Variants in MBP observed in about 807,000 individuals in gnomAD.
MBP encodes myelin basic protein, also known as Golli-MBP.
Under a neutral mutation model 35.8 loss-of-function variants are expected in MBP, and 16 were observed. That is an observed-to-expected ratio of 0.45 (90% CI 0.30 to 0.68). MBP has a LOEUF of 0.68. Among genes scored for constraint, MBP ranks in the 30% least tolerant of loss-of-function variants. MBP has a pLI of 0.08. For synonymous variants in MBP, 143 were observed against 159.6 expected (o/e 0.90, Z 0.78); for missense variants, 380 against 404.7 (o/e 0.94, Z 0.52).
intron 4 of MBP, chr18:77,004,283 C>G (rs866496829): frequency 1.3e-5 from 2 of 152,002 alleles, no homozygotes; most frequent in Admixed American, 1.3e-4. Flanking sequence ...TGTGTCCCCC[C>G]CCACTCCCCG....
At chr18:77,027,194 A>T (rs1445175147) in intron 3 of MBP, among the ~76,000 whole-genome samples, 1 of 151,090 alleles carries the variant, frequency 6.6e-6, no homozygotes, top group Non-Finnish European at 1.5e-5. Flanking sequence ...CTAAGACATT[A>T]AAAAAAAAGC....
intron 2 of MBP, among the ~76,000 whole-genome samples, chr18:77,071,974 G>A (rs1974472361): frequency 6.6e-6 from 1 of 152,216 alleles, no homozygotes; most frequent in African/African-American, 2.4e-5. Flanking sequence ...AAGAGAAGTT[G>A]CAACTGTCTT....
rs907094153 is a variant in MBP, at chr18:77,009,940, C to T, written c.576+6892G>A. 4 of 1,568,426 alleles carry T rather than the reference C, an allele frequency of 2.6e-6. No individual in the cohort carries two copies. In the African/African-American group the frequency reaches 4.0e-5, roughly 16 times the overall value. Reference sequence around the variant, plus strand: ...TAGCCAGGGTACCTGCCGGGGGACACAGAGTGGGCTGCGTGAGTCCGGGTG... The same window carrying T: ...TAGCCAGGGTACCTGCCGGGGGACATAGAGTGGGCTGCGTGAGTCCGGGTG... On this transcript the variant is annotated intron_variant, in intron 4 of 8. Coordinates refer to ENST00000355994, the MANE Select transcript of MBP (RefSeq NM_001025101.2).
chr18:77,059,473 CACT>C (rs1973876714), intron 3 of MBP, among the ~76,000 whole-genome samples: 1 of 116,310 alleles, frequency 8.6e-6, no homozygotes, highest in South Asian at 2.4e-4. Flanking sequence ...ATAAAGTAGT[CACT>C]AATTATTTAT....
intron 4 of MBP, among the ~76,000 whole-genome samples, chr18:76,996,536 C>T (rs1046165346): frequency 2.0e-5 from 3 of 152,144 alleles, no homozygotes; most frequent in South Asian, 2.1e-4. Context: ...AAATACTGTT[C>T]GGCAATAAAA....
At chr18:77,047,986 A>G (rs1383676375) in intron 3 of MBP, among the ~76,000 whole-genome samples, 1 of 152,264 alleles carries the variant, frequency 6.6e-6, no homozygotes, top group African/African-American at 2.4e-5. Context: ...TAGAAATCAA[A>G]TAATTTTCAA....
intron 2 of MBP, among the ~76,000 whole-genome samples, chr18:77,091,720 TACAC>T (rs1037620737): frequency 9.5e-5 from 14 of 147,906 alleles, no homozygotes; most frequent in African/African-American, 2.7e-4. Context: ...ACACACCACA[TACAC>T]ACATATACAC....
At chr18:77,095,868 C>T (rs942536468) in intron 2 of MBP, among the ~76,000 whole-genome samples, 5 of 152,212 alleles carry the variant, frequency 3.3e-5, no homozygotes, top group East Asian at 1.9e-4. Context: ...GCCATGTGCA[C>T]GCACCATTTG....
chr18:77,051,630 G>T (rs1029974454), intron 3 of MBP, among the ~76,000 whole-genome samples: 2 of 152,184 alleles, frequency 1.3e-5, no homozygotes, highest in Non-Finnish European at 2.9e-5. Flanking sequence ...AGAGTTGAGG[G>T]TTCTTCCACA....
intron 3 of MBP, among the ~76,000 whole-genome samples, chr18:77,041,350 C>T (rs1212374989): frequency 6.6e-6 from 1 of 152,130 alleles, no homozygotes; most frequent in African/African-American, 2.4e-5. Context: ...CTAGTTCAAC[C>T]ATTGTGGAAG....
intron 1 of MBP, among the ~76,000 whole-genome samples, chr18:77,122,597 C>T (rs1181395769): frequency 2.0e-5 from 3 of 152,244 alleles, no homozygotes; most frequent in Non-Finnish European, 4.4e-5. Flanking sequence ...GGCTGGAGTG[C>T]ATTGGCGCAA....
chr18:77,047,320 C>T lies in MBP; in HGVS notation c.139+18978G>A, dbSNP rs187513238. On this transcript the variant is annotated intron_variant, in intron 3 of 8. Transcript: ENST00000355994. Reference sequence around the variant, plus strand: ...CCTCCTGTCGTAAGGAGGAATGCAGCACTAGCGTGCGCTACTCCATGATGA... The same window carrying T: ...CCTCCTGTCGTAAGGAGGAATGCAGTACTAGCGTGCGCTACTCCATGATGA... Among the ~76,000 whole-genome samples, 849 of 152,334 alleles carry T rather than the reference C, an allele frequency of 5.6e-3. 6 individuals are homozygous for T. The highest frequency in any genetic ancestry group is 8.8e-3 in the Non-Finnish European group (602 of 68,030).
intron 1 of MBP, chr18:77,115,632 T>C (rs1976636653): frequency 6.6e-6 from 1 of 152,240 alleles, no homozygotes; most frequent in Non-Finnish European, 1.5e-5. Context: ...TGCCACACCT[T>C]CACATGGGTG....
intron 2 of MBP, among the ~76,000 whole-genome samples, chr18:77,068,676 C>T (rs1240162226): frequency 1.3e-5 from 2 of 152,224 alleles, no homozygotes; most frequent in Non-Finnish European, 2.9e-5. Context: ...AGAAACCAAG[C>T]TGCTGCTTTC....
intron 1 of MBP, among the ~76,000 whole-genome samples, chr18:77,127,138 C>A (rs1279451628): frequency 6.6e-6 from 1 of 152,186 alleles, no homozygotes; most frequent in African/African-American, 2.4e-5. Context: ...GTTGACTATG[C>A]AACTACAGTA....
chr18:77,079,742 G>T (rs1035948714), intron 2 of MBP, among the ~76,000 whole-genome samples: 2 of 151,790 alleles, frequency 1.3e-5, no homozygotes, highest in African/African-American at 2.4e-5. Context: ...TCTCTCTCTC[G>T]CTTTCTCTAG....
rs59454959 is a variant in MBP, at chr18:77,014,360, G to T, written c.576+2472C>A. The stretch of plus-strand genomic sequence containing the variant: ...AACAGCCCCTTTTATAGGGTCATGG[G>T]GGGGCTCCACTCAGAGTCTGGCAGG... On this transcript the variant is annotated intron_variant, in intron 4 of 8. Coordinates refer to ENST00000355994, the MANE Select transcript of MBP (RefSeq NM_001025101.2). The T allele has an allele frequency of 5.1e-4, 498 of 985,440 alleles. 1 individual carries two copies. In the African/African-American group the frequency reaches 7.9e-3, roughly 16 times the overall value. 61.0% of individuals were successfully genotyped at this position (985,440 alleles called of 1,614,324 possible).
rs1976705174 is a variant in MBP, at chr18:77,117,438, C to G, written c.-25-12152G>C. On this transcript the variant is annotated intron_variant, in intron 1 of 8. Transcript: ENST00000355994. The stretch of plus-strand genomic sequence containing the variant: ...CCTTCAAAAGGTGACGATTTATTAT[C>G]ACTAGGTAGAGGCCTTATAATTTTA... 2.0e-5 allele frequency among the ~76,000 whole-genome samples: 3 copies of G among 152,256 alleles called. No homozygotes were observed. In the South Asian group the frequency reaches 6.2e-4, roughly 32 times the overall value.
Position 76,990,910 on chromosome 18 carries a change from C to T in MBP, c.577-850G>A, listed in dbSNP as rs570652955. The T allele has an allele frequency of 1.4e-3, 412 of 302,560 alleles. 1 individual carries two copies. The highest frequency in any genetic ancestry group is 8.5e-3 in the African/African-American group (376 of 44,298). 18.7% of individuals were successfully genotyped at this position (302,560 alleles called of 1,614,324 possible). Reference sequence around the variant, plus strand: ...TTTCTATCACCGACTCAGTGTGCGGCTCTCCTGAAGGTGAACAAGCAAATA... The same window carrying T: ...TTTCTATCACCGACTCAGTGTGCGGTTCTCCTGAAGGTGAACAAGCAAATA... On this transcript the variant is annotated intron_variant, in intron 4 of 8. Transcript: ENST00000355994.
Sources: allele counts gnomAD v4.1 joint callset (sites outside exome capture counted in the v4.1 genomes callset), GRCh38; gene constraint gnomAD v4.1.1; transcripts MANE v1.5; gene names NCBI Gene and HGNC (gene_info 2026-07-23, HGNC 2026-07-21).